The following AKT1 variants were observed in gnomAD, a reference collection of about 807,000 sequenced individuals.
AKT1 encodes RAC-alpha serine/threonine-protein kinase.
Under a neutral mutation model 63.1 loss-of-function variants are expected in AKT1, and 21 were observed. That is an observed-to-expected ratio of 0.33 (90% confidence interval 0.24 to 0.48). The LOEUF is 0.48. Ranked by LOEUF, AKT1 falls within the 20% of genes least tolerant of loss-of-function variation. AKT1 has a pLI of 0.99. For synonymous variants in AKT1, 257 were observed against 253.1 expected (o/e 1.02, Z -0.15); for missense variants, 382 against 666.0 (o/e 0.57, Z 4.69).
intron 9 of AKT1, 139 bp downstream of exon 9, chr14:104,773,773 T>G (rs866189819): frequency 1.1e-5 from 13 of 1,199,704 alleles, no homozygotes; most frequent in Middle Eastern, 2.8e-4. Flanking sequence ...GGCAGCTGCC[T>G]GGGCAGGCAT....
At chr14:104,772,147 G>A (rs1892423186) in intron 13 of AKT1, 1 of 601,382 alleles carries the variant, frequency 1.7e-6, no homozygotes, top group South Asian at 1.9e-5. Flanking sequence ...GAGGAAATGA[G>A]GACCAGGCCA....
intron 4 of AKT1, chr14:104,777,853 G>GC (rs2140937984): frequency 3.2e-6 from 1 of 316,460 alleles, no homozygotes; most frequent in Non-Finnish European, 4.6e-6. Context: ...GGGGAGGGTG[G>GC]CCTGTGTCAA....
chr14:104,770,833 G>T lies in AKT1; in HGVS notation c.1275C>A (p.Phe425Leu), dbSNP rs1369639631. 6.2e-7 allele frequency: 1 copy of T among 1,614,006 alleles called. No homozygotes were observed. The highest frequency in any genetic ancestry group is 8.5e-7 in the Non-Finnish European group (1 of 1,180,012). The change falls in exon 14 of 15, where the codon TTC becomes TTA. Residue 425 changes from phenylalanine to leucine, a missense_variant. Physicochemically the swap from Phe to Leu is conservative, Grantham distance 22. Transcript: ENST00000649815. ...CAGTCTCCGACGTGACCTGGGGCTTGAAGGGTGGGCTGAGCTGCAGAGGTG... is the reference window on the plus strand; with the variant it reads ...CAGTCTCCGACGTGACCTGGGGCTTTAAGGGTGGGCTGAGCTGCAGAGGTG... ...HVYEKKLSPPFKPQVTSETDT... is the reference protein window; with the variant it reads ...HVYEKKLSPPLKPQVTSETDT...
intron 13 of AKT1, 191 bp downstream of exon 13, chr14:104,772,174 C>T (rs867490114): frequency 1.3e-5 from 8 of 633,244 alleles, no homozygotes; most frequent in African/African-American, 1.8e-5. Context: ...TGGTGGAACC[C>T]GGCAGTGCCA....
At chr14:104,784,044 G>A (rs1893210387) in intron 3 of AKT1, among the ~76,000 whole-genome samples, 2 of 150,434 alleles carry the variant, frequency 1.3e-5, no homozygotes, top group Non-Finnish European at 2.9e-5. Flanking sequence ...GGAAGCAGCA[G>A]CTCCGGTCCC....
At chr14:104,783,876 G>A (rs560917853) in intron 3 of AKT1, among the ~76,000 whole-genome samples, 1 of 152,338 alleles carries the variant, frequency 6.6e-6, no homozygotes, top group Non-Finnish European at 1.5e-5. Context: ...CTCAGGGTCT[G>A]GCAGGGAAGA....
intron 3 of AKT1, among the ~76,000 whole-genome samples, chr14:104,788,907 G>C (rs1444140155): frequency 2.0e-5 from 3 of 152,144 alleles, no homozygotes; most frequent in Admixed American, 2.0e-4. Context: ...CCGGAGACTG[G>C]ACCCTCCGTG....
intron 6 of AKT1, 135 bp downstream of exon 6, chr14:104,775,517 A>G: frequency 2.3e-6 from 3 of 1,314,382 alleles, no homozygotes; most frequent in Admixed American, 2.5e-5. Flanking sequence ...TGCGCCCTAC[A>G]TGGAAAACCG....
At chr14:104,774,908 C>A in intron 8 of AKT1, 30 bp downstream of exon 8, 3 of 1,599,282 alleles carry the variant, frequency 1.9e-6, no homozygotes, top group Non-Finnish European at 2.6e-6. Context: ...CTGGCCCCAG[C>A]CCTTCAGCCC....
intron 3 of AKT1, among the ~76,000 whole-genome samples, chr14:104,780,799 G>T (rs375059216): frequency 2.6e-5 from 4 of 152,236 alleles, no homozygotes; most frequent in African/African-American, 4.8e-5. Flanking sequence ...TGAGGGCCGG[G>T]CTCGCGGGAC....
At chr14:104,780,931 C>T (rs73364518) in intron 3 of AKT1, among the ~76,000 whole-genome samples, 14,031 of 152,140 alleles carry the variant, frequency 0.092, 1,614 homozygotes, top group African/African-American at 0.27. Context: ...CCCCAGGGCA[C>T]AGAGGGTGCC....
intron 3 of AKT1, 120 bp downstream of exon 3, chr14:104,792,478 G>T: frequency 8.3e-7 from 1 of 1,204,942 alleles, no homozygotes; most frequent in Non-Finnish European, 1.2e-6. Context: ...CCCTAGGCCA[G>T]CCCAGGAGCC....
intron 3 of AKT1, among the ~76,000 whole-genome samples, chr14:104,782,773 C>A (rs1893128921): frequency 6.6e-6 from 1 of 152,184 alleles, no homozygotes; most frequent in South Asian, 2.1e-4. Flanking sequence ...CCCAGCCCAG[C>A]ACACAGACCC....
rs1186786985 is a variant in AKT1, at chr14:104,769,449, T to C, written c.*892A>G. On this transcript the variant is annotated 3_prime_UTR_variant, in exon 15 of 15. Coordinates refer to ENST00000649815, the MANE Select transcript of AKT1 (RefSeq NM_001382430.1). ...TGAATGTTGTAAAAAAACGCCGTGG[T>C]GCAGCGGCAGCGGCAGCGTCTGGCC... The C allele has an allele frequency of 9.1e-6, 4 of 437,540 alleles. No homozygotes were observed. The highest frequency in any genetic ancestry group is 1.7e-5 in the Non-Finnish European group (4 of 231,628). The allele number at this position is 437,540 out of a possible 1,614,324, so 27.1% of individuals were successfully genotyped here.
intron 3 of AKT1, among the ~76,000 whole-genome samples, chr14:104,782,081 G>C (rs897551362): frequency 6.6e-5 from 10 of 152,036 alleles, no homozygotes; most frequent in African/African-American, 2.4e-4. Flanking sequence ...CGCCTCCCAC[G>C]TCCCCTCCCC....
At chr14:104,775,324 CTT>C (rs1892640277) in intron 6 of AKT1, 117 bp from the exon 7 acceptor site, 14 of 1,531,174 alleles carry the variant, frequency 9.1e-6, no homozygotes, top group Non-Finnish European at 1.2e-5. Flanking sequence ...GAGGCGTCCA[CTT>C]CACACCTGGT....
At chr14:104,783,742 T>G (rs1402054341) in intron 3 of AKT1, among the ~76,000 whole-genome samples, 1 of 152,006 alleles carries the variant, frequency 6.6e-6, no homozygotes, top group Non-Finnish European at 1.5e-5. Flanking sequence ...CCAGGGGGCC[T>G]CTTCAGTCCC....
At chr14:104,782,202 A>C (rs1595254024) in intron 3 of AKT1, among the ~76,000 whole-genome samples, 5 of 98,294 alleles carry the variant, frequency 5.1e-5, no homozygotes, top group East Asian at 3.1e-4. Flanking sequence ...ATCCTGGGCC[A>C]CCCCGCTGCT....
chr14:104,778,703 C>G (rs888276303), intron 4 of AKT1: 1 of 152,330 alleles, frequency 6.6e-6, no homozygotes, highest in Non-Finnish European at 1.5e-5. Flanking sequence ...CCTGCCCAGC[C>G]TGGGGACGGA....
Sources: allele counts gnomAD v4.1 joint callset (sites outside exome capture counted in the v4.1 genomes callset), GRCh38; gene constraint gnomAD v4.1.1; transcripts MANE v1.5; gene names NCBI Gene and HGNC (gene_info 2026-07-23, HGNC 2026-07-21).